Variants in HEMK2 observed in about 807,000 individuals in gnomAD.
HEMK2 encodes HemK methyltransferase 2, ETF1 glutamine and histone H4 lysine, also known as methyltransferase HEMK2.
chr21:28,593,595 C>A, the HEMK2 span, among the ~76,000 whole-genome samples: 1 of 152,066 alleles, frequency 6.6e-6, no homozygotes, highest in Admixed American at 6.6e-5. Context: ...TCCTGGAGCA[C>A]TTTGTAGTGC....
the HEMK2 span, among the ~76,000 whole-genome samples, chr21:28,697,815 T>C: frequency 6.7e-6 from 1 of 150,286 alleles, no homozygotes; most frequent in Non-Finnish European, 1.5e-5. Context: ...TCTTTAAGAA[T>C]TACCCAGTCT....
the HEMK2 span, among the ~76,000 whole-genome samples, chr21:28,712,463 A>G: frequency 1.3e-5 from 2 of 152,212 alleles, no homozygotes; most frequent in African/African-American, 4.8e-5. Context: ...AAACCCACAT[A>G]AGAAAGCTCA....
At chr21:28,714,753 G>A in the HEMK2 span, among the ~76,000 whole-genome samples, 1 of 152,142 alleles carries the variant, frequency 6.6e-6, no homozygotes, top group African/African-American at 2.4e-5. Flanking sequence ...CACCCAGGTA[G>A]GGAGCATAGT....
chr21:28,811,805 C>T, the HEMK2 span, among the ~76,000 whole-genome samples: 7 of 152,294 alleles, frequency 4.6e-5, no homozygotes, highest in African/African-American at 4.8e-5. Flanking sequence ...ATAAATGGAA[C>T]GGTAAGATGG....
the HEMK2 span, among the ~76,000 whole-genome samples, chr21:28,601,331 C>A: frequency 6.6e-6 from 1 of 152,218 alleles, no homozygotes; most frequent in Non-Finnish European, 1.5e-5. Context: ...CTTCCCCTCA[C>A]CCCCTGTTCC....
chr21:28,685,582 C>T, the HEMK2 span, among the ~76,000 whole-genome samples: 1 of 152,176 alleles, frequency 6.6e-6, no homozygotes, highest in Non-Finnish European at 1.5e-5. Flanking sequence ...TTTGGTTATG[C>T]ACACTTAGAT....
chr21:28,776,736 G>A, the HEMK2 span, among the ~76,000 whole-genome samples: 5 of 152,164 alleles, frequency 3.3e-5, no homozygotes, highest in Non-Finnish European at 7.4e-5. Flanking sequence ...AAGTCCAAGA[G>A]TCCAAAAGCT....
chr21:28,817,134 C>G, the HEMK2 span, among the ~76,000 whole-genome samples: 2 of 152,268 alleles, frequency 1.3e-5, no homozygotes, highest in African/African-American at 4.8e-5. Context: ...TCTGTAATCA[C>G]AACAGCAACA....
chr21:28,700,085 A>G, the HEMK2 span, among the ~76,000 whole-genome samples: 1 of 152,172 alleles, frequency 6.6e-6, no homozygotes, highest in Non-Finnish European at 1.5e-5. Flanking sequence ...TTAACAAAAC[A>G]TCCAGGAGGA....
At chr21:28,882,211 T>C in the HEMK2 span, 1 of 1,606,762 alleles carries the variant, frequency 6.2e-7, no homozygotes, top group African/African-American at 1.3e-5. Context: ...GTGCTGTCTC[T>C]AGGGTACAAG....
At chr21:28,684,970 A>G in the HEMK2 span, among the ~76,000 whole-genome samples, 1 of 152,228 alleles carries the variant, frequency 6.6e-6, no homozygotes, top group Admixed American at 6.5e-5. Flanking sequence ...TACTATTGCA[A>G]TAGGGAAATG....
At chr21:28,871,113 A>G in the HEMK2 span, among the ~76,000 whole-genome samples, 168 of 152,374 alleles carry the variant, frequency 1.1e-3, 1 homozygote, top group African/African-American at 3.3e-3. Context: ...TTTACATAGT[A>G]TGAAGCAATT....
At chr21:28,672,054 A>C in the HEMK2 span, among the ~76,000 whole-genome samples, 2 of 152,160 alleles carry the variant, frequency 1.3e-5, no homozygotes, top group African/African-American at 4.8e-5. Flanking sequence ...GTTGTTTTTC[A>C]ATCACCAGAG....
At chr21:28,709,174 A>C in the HEMK2 span, among the ~76,000 whole-genome samples, 11 of 152,310 alleles carry the variant, frequency 7.2e-5, no homozygotes, top group Middle Eastern at 3.4e-3. Flanking sequence ...TCATTGTCCT[A>C]ATACCATCAC....
the HEMK2 span, among the ~76,000 whole-genome samples, chr21:28,745,854 C>A: frequency 6.6e-6 from 1 of 152,202 alleles, no homozygotes; most frequent in East Asian, 1.9e-4. Context: ...AACATGTGAG[C>A]ACTTTCCAAA....
At chr21:28,753,200 T>C in the HEMK2 span, among the ~76,000 whole-genome samples, 1 of 151,746 alleles carries the variant, frequency 6.6e-6, no homozygotes. Flanking sequence ...CCACTAAAAA[T>C]AACAAAATTA....
At chr21:28,723,369 T>G in the HEMK2 span, among the ~76,000 whole-genome samples, 1 of 152,104 alleles carries the variant, frequency 6.6e-6, no homozygotes, top group African/African-American at 2.4e-5. Context: ...ACTGCACACT[T>G]GCATGGAGAC....
the HEMK2 span, among the ~76,000 whole-genome samples, chr21:28,791,664 T>C: frequency 6.6e-6 from 1 of 152,162 alleles, no homozygotes; most frequent in East Asian, 1.9e-4. Context: ...CCCACTACTC[T>C]GGTGTCTTCT....
chr21:28,609,339 A>G, the HEMK2 span, among the ~76,000 whole-genome samples: 2 of 152,166 alleles, frequency 1.3e-5, no homozygotes, highest in Admixed American at 6.5e-5. Context: ...GCCCACCCCT[A>G]GGGGAAAGAG....
Sources: allele counts gnomAD v4.1 joint callset (sites outside exome capture counted in the v4.1 genomes callset), GRCh38; gene constraint gnomAD v4.1.1; transcripts MANE v1.5; gene names NCBI Gene and HGNC (gene_info 2026-07-23, HGNC 2026-07-21).